The following CTHRC1 variants were observed in gnomAD, a reference collection of about 807,000 sequenced individuals.
The protein encoded by CTHRC1 is collagen triple helix repeat-containing protein 1.
CTHRC1 carries 21 observed loss-of-function variants against 25.9 expected under a neutral mutation model. That is an observed-to-expected ratio of 0.81 (90% CI 0.57 to 1.17). The LOEUF (loss-of-function observed/expected upper bound fraction) is 1.17. Ranked by LOEUF, CTHRC1 falls within the 50% of genes most tolerant of loss-of-function variation. The pLI, the probability that CTHRC1 is intolerant of heterozygous loss-of-function variation, is 0.00. For missense variants in CTHRC1, 281 were observed against 304.3 expected (o/e 0.92, Z 0.57); for synonymous variants, 109 against 113.1 (o/e 0.96, Z 0.23).
At position 103,375,864 on chromosome 8, in the gene CTHRC1, T is replaced by C. The variant is rs149006532; in HGVS notation, c.277T>C (p.Cys93Arg). Residue 93 changes from cysteine to arginine, a missense_variant, in exon 2 of 4, where the codon TGT (cysteine) becomes CGT (arginine). Cys to Arg is a radical substitution (Grantham distance 180). Coordinates refer to ENST00000330295, the MANE Select transcript of CTHRC1 (RefSeq NM_138455.4). ...RDGFKGEKGE[C>R]LRESFEESWT... ...TGGATTCAAAGGAGAAAAGGGGGAA[T>C]GTCTGAGGGAAAGCTTTGAGGAGTC... The C allele has an allele frequency of 6.2e-6, 10 of 1,613,946 alleles. No homozygotes were observed. The highest frequency in any genetic ancestry group is 8.5e-6 in the Non-Finnish European group (10 of 1,180,014).
chr8:103,379,603 G>C (rs1408875291), intron 3 of CTHRC1, among the ~76,000 whole-genome samples: 2 of 152,128 alleles, frequency 1.3e-5, no homozygotes, highest in Non-Finnish European at 2.9e-5. Context: ...TGTACATACT[G>C]TTATATTCAT....
chr8:103,382,754 C>G lies in CTHRC1; in HGVS notation c.*154C>G. ...GTGTGATTTCACACTGTTTTTAAAT[C>G]TAGCATTATTCATTTTGCTTCAATC... is the stretch of plus-strand genomic sequence containing the variant. On this transcript the variant is annotated 3_prime_UTR_variant, in exon 4 of 4. Transcript: ENST00000330295. 1.3e-6 allele frequency: 1 copy of G among 771,858 alleles called. No homozygotes were observed. The highest frequency in any genetic ancestry group is 1.4e-5 in the South Asian group (1 of 69,346). 47.8% of individuals were successfully genotyped at this position (771,858 alleles called of 1,614,324 possible). A position where few individuals can be genotyped will look rare whatever the true frequency, so the allele number is the denominator to read the frequency against.
rs1815937891 is a variant in CTHRC1, at chr8:103,382,819, T to A, written c.*219T>A. ...TATTTTTTTTAGTTGGTTAGAATAC[T>A]TTCTTCATAGTCACATTCTCTCAAC... On this transcript the variant is annotated 3_prime_UTR_variant, in exon 4 of 4. Transcript: ENST00000330295. 1.9e-6 allele frequency: 1 copy of A among 517,586 alleles called. No individual in the cohort carries two copies. Among genetic ancestry groups the A allele is most frequent in the Admixed American group, 3.2e-5 (1 of 31,694 alleles). 32.1% of individuals were successfully genotyped at this position (517,586 alleles called of 1,614,324 possible). A position where few individuals can be genotyped will look rare whatever the true frequency, so the allele number is the denominator to read the frequency against.
chr8:103,382,540 A>T lies in CTHRC1; in HGVS notation c.672A>T (p.Gly224=), dbSNP rs1815932422. The change falls in exon 4 of 4, where the codon GGA becomes GGT. Residue 224 remains glycine (G), a synonymous_variant. Coordinates refer to ENST00000330295, the MANE Select transcript of CTHRC1 (RefSeq NM_138455.4). ...WVGTCSDYPK[G]DASTGWNSVS... is the part of the protein sequence containing the mutation. ...GTACTTGTTCAGATTACCCAAAAGG[A>T]GATGCTTCTACTGGATGGAATTCAG... 6.2e-7 allele frequency: 1 copy of T among 1,613,426 alleles called. No individual in the cohort carries two copies. The highest frequency in any genetic ancestry group is 1.3e-5 in the African/African-American group (1 of 75,038).
In CTHRC1 at chr8:103,371,757, C is replaced by A; in HGVS notation, c.101C>A (p.Pro34His). ...LPAPSSASEI[P>H]KGKQKAQLRQ... ...GCGCCGTCGAGCGCCTCTGAGATCC[C>A]CAAGGGGAAGCAAAAGGCGCAGCTC... The change falls in exon 1 of 4, where the codon CCC becomes CAC. Residue 34 changes from proline (P) to histidine (H), a missense_variant. Coordinates refer to ENST00000330295, the MANE Select transcript of CTHRC1 (RefSeq NM_138455.4). 6.5e-7 allele frequency: 1 copy of A among 1,535,426 alleles called. No individual in the cohort carries two copies. Among genetic ancestry groups the A allele is most frequent in the Non-Finnish European group, 8.8e-7 (1 of 1,141,178 alleles).
intron 1 of CTHRC1, 27 bp downstream of exon 1, chr8:103,371,833 C>A: frequency 1.4e-6 from 2 of 1,479,050 alleles, no homozygotes. Flanking sequence ...CGAGCCGGGA[C>A]CGCCGCGCTG....
At position 103,371,789 on chromosome 8, in the gene CTHRC1, AGGG is replaced by A; in HGVS notation, c.134_136del (p.Arg45_Glu46delinsLys). 6.5e-7 allele frequency: 1 copy of A among 1,532,094 alleles called. No individual in the cohort carries two copies. The allele number at this position is 1,532,094 out of a possible 1,614,324, so 94.9% of individuals were successfully genotyped here. ...GAAGCAAAAGGCGCAGCTCCGGCAG[AGGG>A]AGGTGGTGGACCTGGTGAGTCCGAG... On this transcript the variant is annotated inframe_deletion, in exon 1 of 4. Coordinates refer to ENST00000330295, the MANE Select transcript of CTHRC1 (RefSeq NM_138455.4).
intron 3 of CTHRC1, 27 bp from the exon 4 acceptor site, chr8:103,382,431 G>A: frequency 6.2e-7 from 1 of 1,612,902 alleles, no homozygotes; most frequent in Non-Finnish European, 8.5e-7. Context: ...TCTAAAGAAA[G>A]ATGTAACTTT....
At chr8:103,382,371 A>G in intron 3 of CTHRC1, 87 bp from the exon 4 acceptor site, 1 of 1,390,790 alleles carries the variant, frequency 7.2e-7, no homozygotes, top group African/African-American at 1.4e-5. Context: ...CAGAATTACA[A>G]ACTAGCTTTC....
Position 103,382,728 on chromosome 8 carries a change from A to C in CTHRC1, c.*128A>C, listed in dbSNP as rs557987913. 1.1e-6 allele frequency: 1 copy of C among 877,552 alleles called. No homozygotes were observed. The highest frequency in any genetic ancestry group is 1.6e-5 in the African/African-American group (1 of 60,864). 54.4% of individuals were successfully genotyped at this position (877,552 alleles called of 1,614,324 possible). ...AAAGCTAAATATGTTTACAGACCAA[A>C]GTGTGATTTCACACTGTTTTTAAAT... On this transcript the variant is annotated 3_prime_UTR_variant, in exon 4 of 4. Coordinates refer to ENST00000330295, the MANE Select transcript of CTHRC1 (RefSeq NM_138455.4).
Position 103,375,864 on chromosome 8 carries a change from T to A in CTHRC1, c.277T>A (p.Cys93Ser). Reference protein sequence around the residue: ...RDGFKGEKGECLRESFEESWT... With the variant: ...RDGFKGEKGESLRESFEESWT... ...TGGATTCAAAGGAGAAAAGGGGGAA[T>A]GTCTGAGGGAAAGCTTTGAGGAGTC... is the stretch of plus-strand genomic sequence containing the variant. Residue 93 changes from cysteine to serine, a missense_variant, in exon 2 of 4, where the codon TGT becomes AGT. Coordinates refer to ENST00000330295, the MANE Select transcript of CTHRC1 (RefSeq NM_138455.4). 6.2e-7 allele frequency: 1 copy of A among 1,614,064 alleles called. No individual in the cohort carries two copies. The highest frequency in any genetic ancestry group is 1.1e-5 in the South Asian group (1 of 91,076).
At chr8:103,375,022 T>G (rs1297192377) in intron 1 of CTHRC1, among the ~76,000 whole-genome samples, 1 of 152,158 alleles carries the variant, frequency 6.6e-6, no homozygotes, top group Non-Finnish European at 1.5e-5. Context: ...GATGGTCCCC[T>G]ATTGAGAACT....
intron 1 of CTHRC1, chr8:103,372,683 C>G: frequency 1.9e-6 from 3 of 1,590,224 alleles, no homozygotes; most frequent in Non-Finnish European, 2.6e-6. Flanking sequence ...AAATCCTTCC[C>G]TCTAAAAATC....
At chr8:103,375,709 T>G in intron 1 of CTHRC1, 29 bp from the exon 2 acceptor site, 2 of 1,585,018 alleles carry the variant, frequency 1.3e-6, no homozygotes, top group Non-Finnish European at 1.7e-6. Flanking sequence ...GTGGTGAGAG[T>G]TTTCTTTGCC....
intron 3 of CTHRC1, among the ~76,000 whole-genome samples, chr8:103,378,478 C>T (rs753359422): frequency 2.0e-5 from 3 of 152,220 alleles, no homozygotes; most frequent in Non-Finnish European, 2.9e-5. Flanking sequence ...AGTAAGACCA[C>T]AGCTTCTGTG....
chr8:103,371,852 G>T, intron 1 of CTHRC1, 46 bp downstream of exon 1: 1 of 1,459,584 alleles, frequency 6.9e-7, no homozygotes, highest in Non-Finnish European at 9.1e-7. Flanking sequence ...TGGTGGAGGG[G>T]ACCTGGCCGC....
intron 1 of CTHRC1, 85 bp from the exon 2 acceptor site, chr8:103,375,653 C>T: frequency 2.6e-6 from 3 of 1,163,268 alleles, no homozygotes; most frequent in Non-Finnish European, 2.6e-6. Context: ...ACTCCAAGGG[C>T]TCAAAATAAA....
intron 2 of CTHRC1, among the ~76,000 whole-genome samples, chr8:103,377,789 G>T (rs1815831593): frequency 6.6e-6 from 1 of 152,106 alleles, no homozygotes; most frequent in Admixed American, 6.5e-5. Flanking sequence ...ATTTTTAGTA[G>T]AGATGGGTTT....
chr8:103,378,035 A>G lies in CTHRC1; in HGVS notation c.381A>G (p.Thr127=). Residue 127 remains threonine (T), a synonymous_variant, in exon 3 of 4, where the codon ACA becomes ACG. Transcript: ENST00000330295. Reference sequence around the variant, plus strand: ...TTCTATGTTTGTGACAGGAGTGTACATTTACAAAGATGCGTTCAAATAGTG... The same window carrying G: ...TTCTATGTTTGTGACAGGAGTGTACGTTTACAAAGATGCGTTCAAATAGTG... ...GIDLGKIAEC[T]FTKMRSNSAL... is the part of the protein sequence containing the mutation. The G allele has an allele frequency of 1.2e-6, 2 of 1,612,982 alleles. No individual in the cohort carries two copies. The highest frequency in any genetic ancestry group is 1.7e-5 in the Admixed American group (1 of 60,030).
Sources: gnomAD v4.1 joint callset for allele counts (sites outside exome capture counted in the v4.1 genomes callset) on GRCh38, gnomAD v4.1.1 for gene constraint, MANE v1.5 for transcripts, NCBI Gene and HGNC (gene_info 2026-07-23, HGNC 2026-07-21) for gene names.